Variants in PLCG2 observed in about 807,000 individuals in gnomAD.
PLCG2 encodes 1-phosphatidylinositol 4,5-bisphosphate phosphodiesterase gamma-2.
Under a neutral mutation model 175.6 loss-of-function variants are expected in PLCG2, and 69 were observed. The ratio of observed to expected loss-of-function variants is 0.39; its 90% CI spans 0.32 to 0.48. The LOEUF is 0.48. PLCG2 is among the 20% of genes least tolerant of loss of function. The probability of loss-of-function intolerance (pLI) is 0.91; values close to 1 mark genes in which losing one functional copy is unlikely to be tolerated. For synonymous variants in PLCG2, 827 were observed against 624.0 expected, an observed-to-expected ratio of 1.33 and a Z score of -4.85; for missense variants, 1,798 against 1,650.9, an observed-to-expected ratio of 1.09 and a Z score of -1.54.
intron 17 of PLCG2, among the ~76,000 whole-genome samples, chr16:81,908,988 C>CCATAAAACGAGGACTCTAGGG (rs1190804425): frequency 4.6e-5 from 7 of 152,196 alleles, no homozygotes; most frequent in African/African-American, 1.7e-4. Flanking sequence ...TCTGTCTCCT[C>CCATAAAACGAGGACTCTAGGG]CATAAAACGA....
intron 27 of PLCG2, chr16:81,937,368 C>T (rs1270152392): frequency 6.5e-6 from 1 of 153,960 alleles, no homozygotes; most frequent in South Asian, 2.1e-4. Context: ...TTTCTGGGAA[C>T]TATTTGTGCT....
chr16:81,952,421 T>TA (rs1273611973), intron 31 of PLCG2, among the ~76,000 whole-genome samples: 1 of 152,020 alleles, frequency 6.6e-6, no homozygotes, highest in African/African-American at 2.4e-5. Context: ...CATATGCCAA[T>TA]AAAAAGAAAT....
chr16:81,761,103 C>G (rs750822408), intron 2 of PLCG2, among the ~76,000 whole-genome samples: 25 of 152,256 alleles, frequency 1.6e-4, no homozygotes, highest in Non-Finnish European at 2.4e-4. Flanking sequence ...CACTATGTTG[C>G]CCAGGCTGGT....
intron 2 of PLCG2, among the ~76,000 whole-genome samples, chr16:81,830,042 G>A (rs1295359059): frequency 2.6e-5 from 4 of 152,010 alleles, no homozygotes; most frequent in African/African-American, 9.7e-5. Flanking sequence ...AATAGTGGCC[G>A]GGTGCAGTGG....
At chr16:81,883,042 A>C (rs2143575281) in intron 8 of PLCG2, among the ~76,000 whole-genome samples, 1 of 152,250 alleles carries the variant, frequency 6.6e-6, no homozygotes, top group South Asian at 2.1e-4. Flanking sequence ...TGTAGACACC[A>C]GGGCCTGCCC....
At chr16:81,876,108 C>T (rs1309474134) in intron 7 of PLCG2, among the ~76,000 whole-genome samples, 1 of 149,524 alleles carries the variant, frequency 6.7e-6, no homozygotes, top group African/African-American at 2.5e-5. Flanking sequence ...TCACTGCAGC[C>T]TCGAACTCCC....
chr16:81,958,842 G>T lies in PLCG2; in HGVS notation c.*844G>T, dbSNP rs185667569. 1.1e-4 allele frequency: 24 copies of T among 221,616 alleles called. No homozygotes were observed. The highest frequency in any genetic ancestry group is 5.1e-4 in the African/African-American group (23 of 44,748). The allele number at this position is 221,616 out of a possible 1,614,324, so 13.7% of individuals were successfully genotyped here. A position where few individuals can be genotyped will look rare whatever the true frequency, so the allele number is the denominator to read the frequency against. ...TTGGTCCACAGCTCTCCACAGGCAA[G>T]AGGTCAACTGCTGCTTGAAAGAGGT... On this transcript the variant is annotated 3_prime_UTR_variant, in exon 33 of 33. Coordinates refer to ENST00000564138, the MANE Select transcript of PLCG2 (RefSeq NM_002661.5).
chr16:81,916,865 T>C (rs1046793078), intron 19 of PLCG2, among the ~76,000 whole-genome samples: 12 of 152,166 alleles, frequency 7.9e-5, no homozygotes, highest in African/African-American at 2.9e-4. Flanking sequence ...ATCGAACTGC[T>C]GACCTCTGGT....
rs976222482 is a variant in PLCG2 at position 81,748,118 on chromosome 16, G to T, written c.-144-7752G>T. ...TTGAACTCCTGACCTCAGATGATCC[G>T]CCCACCTCGACCTCCCAAAGTGCTG... On this transcript the variant is annotated intron_variant, in intron 1 of 5. Transcript: ENST00000565054. Among the ~76,000 whole-genome samples, 3 of 152,028 alleles carry T rather than the reference G, an allele frequency of 2.0e-5. No homozygotes were observed. In the East Asian group the frequency reaches 5.8e-4, roughly 29 times the overall value.
At chr16:81,845,543 A>G (rs558425620) in intron 2 of PLCG2, among the ~76,000 whole-genome samples, 7 of 152,230 alleles carry the variant, frequency 4.6e-5, no homozygotes, top group Non-Finnish European at 1.0e-4. Flanking sequence ...GAGTCTGTCC[A>G]CCTCATCAGT....
At chr16:81,884,788 T>C (rs1267900983) in intron 9 of PLCG2, among the ~76,000 whole-genome samples, 1 of 152,222 alleles carries the variant, frequency 6.6e-6, no homozygotes. Context: ...AAAAAACCTC[T>C]TGTCTTGCAG....
chr16:81,755,339 G>C (rs1909899460), intron 1 of PLCG2, among the ~76,000 whole-genome samples: 1 of 151,440 alleles, frequency 6.6e-6, no homozygotes, highest in African/African-American at 2.4e-5. Context: ...TGGGGCTACA[G>C]GCATGCACCA....
At chr16:81,803,368 G>A (rs898563386) in intron 2 of PLCG2, among the ~76,000 whole-genome samples, 4 of 151,862 alleles carry the variant, frequency 2.6e-5, no homozygotes, top group Non-Finnish European at 4.4e-5. Flanking sequence ...CATAAGGTTC[G>A]TTCATATTGT....
chr16:81,824,777 A>G (rs1223745660), intron 2 of PLCG2, among the ~76,000 whole-genome samples: 5 of 151,474 alleles, frequency 3.3e-5, no homozygotes, highest in African/African-American at 1.2e-4. Flanking sequence ...ACATACCCCC[A>G]AAGGTGTCCA....
chr16:81,750,624 C>A (rs564344206), intron 1 of PLCG2, among the ~76,000 whole-genome samples: 1 of 142,612 alleles, frequency 7.0e-6, no homozygotes, highest in Non-Finnish European at 1.5e-5. Context: ...TTACAATGGA[C>A]TACTATTCAG....
intron 30 of PLCG2, among the ~76,000 whole-genome samples, chr16:81,940,309 C>T (rs1228132994): frequency 6.6e-6 from 1 of 152,132 alleles, no homozygotes; most frequent in Non-Finnish European, 1.5e-5. Context: ...TTAGTGGATC[C>T]TCAACCTGGC....
intron 13 of PLCG2, among the ~76,000 whole-genome samples, chr16:81,899,523 T>G (rs938950707): frequency 2.0e-5 from 3 of 152,194 alleles, no homozygotes; most frequent in Non-Finnish European, 4.4e-5. Context: ...ACTCATGCGA[T>G]GCACACGTGT....
chr16:81,816,141 C>G (rs1406332951), intron 2 of PLCG2, among the ~76,000 whole-genome samples: 1 of 148,990 alleles, frequency 6.7e-6, no homozygotes, highest in Non-Finnish European at 1.5e-5. Flanking sequence ...GAGGCTGAGG[C>G]AGGAGGATCA....
intron 2 of PLCG2, among the ~76,000 whole-genome samples, chr16:81,811,761 G>T (rs1326214393): frequency 6.6e-6 from 1 of 152,154 alleles, no homozygotes; most frequent in Admixed American, 6.5e-5. Context: ...TCTTTATCCA[G>T]TCTATCATCG....
Sources: allele counts gnomAD v4.1 joint callset (sites outside exome capture counted in the v4.1 genomes callset), GRCh38; gene constraint gnomAD v4.1.1; transcripts MANE v1.5; gene names NCBI Gene and HGNC (gene_info 2026-07-23, HGNC 2026-07-21).